Variants in ARID1B observed in about 807,000 individuals in gnomAD.
The protein encoded by ARID1B is AT-rich interaction domain 1B.
ARID1B carries 30 observed loss-of-function variants against 212.3 expected under a neutral mutation model. The ratio of observed to expected loss-of-function variants is 0.14; its 90% CI spans 0.11 to 0.19. ARID1B has a LOEUF of 0.19. Among genes scored for constraint, ARID1B ranks in the 10% least tolerant of loss-of-function variants. The pLI, the probability that ARID1B is intolerant of heterozygous loss-of-function variation, is 1.00. For synonymous variants in ARID1B, 1,402 were observed against 1,301.7 expected (o/e 1.08, Z -1.66); for missense variants, 2,891 against 3,204.0 (o/e 0.90, Z 2.36).
rs1410753670 is a variant in ARID1B, at chr6:157,148,418, T to G, written c.2762-206T>G. 6.6e-6 allele frequency among the ~76,000 whole-genome samples: 1 copy of G among 152,200 alleles called. No individual in the cohort carries two copies. Reference sequence around the variant, plus strand: ...AGTGCAGTGGTCCTCTGGGGCTGTCTGTATTTGAGTCACTCTCTGAGGGCC... The same window carrying G: ...AGTGCAGTGGTCCTCTGGGGCTGTCGGTATTTGAGTCACTCTCTGAGGGCC... On this transcript the variant is annotated intron_variant, in intron 7 of 19. Transcript: ENST00000636930. The surrounding 1 kb of genome is among the most constrained non-coding windows in gnomAD (Gnocchi z 5.6).
At chr6:156,935,739 C>T in intron 4 of ARID1B, 163 bp downstream of exon 4, 2 of 594,030 alleles carry the variant, frequency 3.4e-6, no homozygotes, top group Non-Finnish European at 5.9e-6. Context: ...TTTAGGAGCT[C>T]TGTAGTCCTG....
chr6:156,793,594 C>G (rs540469995), intron 1 of ARID1B, among the ~76,000 whole-genome samples: 34 of 152,128 alleles, frequency 2.2e-4, no homozygotes, highest in Non-Finnish European at 4.4e-4. Flanking sequence ...CCTCAGCTTC[C>G]CGAAGAGCTA....
At chr6:156,776,027 TCAAA>T (rs911113172), upstream of ARID1B, among the ~76,000 whole-genome samples, 2 of 151,844 alleles carry the variant, frequency 1.3e-5, no homozygotes, top group Non-Finnish European at 2.9e-5. Context: ...TTACACTTGG[TCAAA>T]CAAATAACCA....
At chr6:156,941,235 T>G (rs543673269) in intron 4 of ARID1B, 1 of 152,318 alleles carries the variant, frequency 6.6e-6, no homozygotes, top group South Asian at 2.1e-4. Flanking sequence ...AGAAAATACT[T>G]TATAAAATGG....
chr6:156,991,140 A>G (rs932691094), intron 4 of ARID1B, among the ~76,000 whole-genome samples: 2 of 152,224 alleles, frequency 1.3e-5, no homozygotes. Flanking sequence ...TGGCAGAGAC[A>G]GTTTCAACCC....
intron 8 of ARID1B, among the ~76,000 whole-genome samples, chr6:157,163,868 C>A (rs551663793): frequency 6.6e-6 from 1 of 152,228 alleles, no homozygotes; most frequent in African/African-American, 2.4e-5. Flanking sequence ...GTGTTAGAGT[C>A]CCATAGAGAA....
intron 11 of ARID1B, among the ~76,000 whole-genome samples, chr6:157,178,750 A>G (rs535850364): frequency 3.9e-5 from 6 of 152,322 alleles, no homozygotes; most frequent in Admixed American, 3.9e-4. Flanking sequence ...AGGAGAGAAA[A>G]GTTAATATAT....
At chr6:156,931,115 G>A (rs888173164) in intron 3 of ARID1B, among the ~76,000 whole-genome samples, 6 of 149,854 alleles carry the variant, frequency 4.0e-5, no homozygotes, top group Admixed American at 6.7e-5. Flanking sequence ...TCTTGAAACC[G>A]GGAGGCAGTG....
intron 4 of ARID1B, among the ~76,000 whole-genome samples, chr6:156,947,146 G>A (rs531218129): frequency 2.0e-5 from 3 of 152,170 alleles, no homozygotes; most frequent in African/African-American, 4.8e-5. Flanking sequence ...TTGAAACTCT[G>A]TAGTTCAGTT....
intron 4 of ARID1B, among the ~76,000 whole-genome samples, chr6:157,021,824 A>G (rs1039465511): frequency 6.6e-6 from 1 of 151,784 alleles, no homozygotes; most frequent in Non-Finnish European, 1.5e-5. Flanking sequence ...CGTACACATG[A>G]GCCGGCGCGG....
At chr6:157,002,363 G>T (rs1381241071) in intron 4 of ARID1B, among the ~76,000 whole-genome samples, 2 of 152,142 alleles carry the variant, frequency 1.3e-5, no homozygotes, top group Non-Finnish European at 1.5e-5. Flanking sequence ...TAGTTTGGAG[G>T]CTTCTCCTTT....
intron 2 of ARID1B, chr6:156,870,289 C>T (rs531725055): frequency 6.6e-6 from 1 of 152,184 alleles, no homozygotes; most frequent in Non-Finnish European, 1.5e-5. Flanking sequence ...TCCCCCCGGT[C>T]GTCAGATTGC....
At chr6:156,973,573 G>A (rs527822501) in intron 4 of ARID1B, among the ~76,000 whole-genome samples, 11 of 152,266 alleles carry the variant, frequency 7.2e-5, no homozygotes, top group Admixed American at 2.0e-4. Flanking sequence ...TAGTTTTTAA[G>A]CATCACAGAA....
chr6:156,906,770 A>G (rs368986640), intron 3 of ARID1B, among the ~76,000 whole-genome samples: 2 of 152,218 alleles, frequency 1.3e-5, no homozygotes, highest in East Asian at 1.9e-4. Context: ...TGCATGGGAT[A>G]GCTTTCCATC....
chr6:157,206,828 C>T lies in ARID1B; in HGVS notation c.6056C>T (p.Pro2019Leu), dbSNP rs1223278720. ...TTGCCTGAAGACGCAAACCCTGGGC[C>T]CCAGACCGAAAGCAGTAAGTTTCCC... ...GALPEDANPG[P>L]QTESSKFPFG... Residue 2019 changes from proline (P) to leucine (L), a missense_variant, in exon 20 of 20, where the codon CCC becomes CTC. By Grantham distance (98) the Pro-to-Leu change is moderately conservative. This residue lies in a region of ARID1B where 332 missense variants were observed against 369.2 expected (regional missense o/e 0.90). Coordinates refer to ENST00000636930, the MANE Select transcript of ARID1B (RefSeq NM_001374828.1). This position sits in a 1 kb window ranked among gnomAD's most constrained non-coding sequence, Gnocchi z 6.8. 3.7e-6 allele frequency: 6 copies of T among 1,614,052 alleles called. No homozygotes were observed. Among genetic ancestry groups the T allele is most frequent in the Non-Finnish European group, 5.1e-6 (6 of 1,180,018 alleles).
chr6:157,207,623 G>A lies in ARID1B; in HGVS notation c.6851G>A (p.Ser2284Asn), dbSNP rs751652188. ...AAAGGAAGCATTGGAAACTTGATAA[G>A]CTTCCTAGAGGATGGGGTCACGATG... ...VQKGSIGNLI[S>N]FLEDGVTMAQ... Residue 2284 changes from serine (S) to asparagine (N), a missense_variant, in exon 20 of 20, where the codon AGC becomes AAC. Around this residue, in one of 7 missense-constraint regions of ARID1B, gnomAD observed 187 missense variants for 306.5 expected, o/e 0.61. Transcript: ENST00000636930. This position sits in a 1 kb window ranked among gnomAD's most constrained non-coding sequence, Gnocchi z 8.5. 1 of 1,614,184 alleles carries A rather than the reference G, an allele frequency of 6.2e-7. No homozygotes were observed. The highest frequency in any genetic ancestry group is 8.5e-7 in the Non-Finnish European group (1 of 1,180,032).
intron 2 of ARID1B, among the ~76,000 whole-genome samples, chr6:156,843,434 G>A (rs537115051): frequency 6.6e-6 from 1 of 152,224 alleles, no homozygotes; most frequent in East Asian, 1.9e-4. Context: ...ACTAGTCATG[G>A]GGAAATACCA....
At chr6:156,852,862 C>T (rs887792539) in intron 2 of ARID1B, among the ~76,000 whole-genome samples, 4 of 152,190 alleles carry the variant, frequency 2.6e-5, no homozygotes, top group Middle Eastern at 3.2e-3. Context: ...CTTAATATTT[C>T]TTCCTCCTTC....
At chr6:157,183,824 G>A (rs780322499) in intron 12 of ARID1B, among the ~76,000 whole-genome samples, 4 of 152,220 alleles carry the variant, frequency 2.6e-5, no homozygotes, top group Non-Finnish European at 4.4e-5. Context: ...GATGGGTACG[G>A]CCCAGAATCA....
Sources: allele counts gnomAD v4.1 joint callset (sites outside exome capture counted in the v4.1 genomes callset), GRCh38; gene constraint gnomAD v4.1.1; regional missense constraint gnomAD v4.1.1; non-coding constraint Gnocchi (gnomAD v3.1); transcripts MANE v1.5; gene names NCBI Gene and HGNC (gene_info 2026-07-23, HGNC 2026-07-21).